CCDC50: variants seen among roughly 807,000 people sequenced by gnomAD.
CCDC50 encodes coiled-coil domain-containing protein 50.
In CCDC50, 54 loss-of-function variants were observed where a neutral mutation model predicts 70.2. That is an observed-to-expected ratio of 0.77 (90% CI 0.62 to 0.96). The LOEUF (loss-of-function observed/expected upper bound fraction) is 0.96, where lower values mean the gene tolerates loss of function less well. CCDC50 is among the 50% of genes least tolerant of loss of function. CCDC50 has a pLI of 0.00. For synonymous variants in CCDC50, 216 were observed against 198.8 expected (o/e 1.09, Z -0.73); for missense variants, 558 against 578.7 (o/e 0.96, Z 0.37).
At chr3:191,385,406 A>C (rs1713453811) in intron 10 of CCDC50, among the ~76,000 whole-genome samples, 1 of 152,118 alleles carries the variant, frequency 6.6e-6, no homozygotes, top group Non-Finnish European at 1.5e-5. Flanking sequence ...CGTCTCTGAT[A>C]ATTAGTTATG....
At chr3:191,380,655 A>C (rs1192349739) in intron 7 of CCDC50, 32 bp from the exon 8 acceptor site, 1 of 1,598,946 alleles carries the variant, frequency 6.3e-7, no homozygotes, top group African/African-American at 1.3e-5. Context: ...ATTCCAATTA[A>C]ATTCTTTGTT....
rs1023042970 is a variant in CCDC50 at position 191,348,040 on chromosome 3, A to C, written c.50-9048A>C. 2.7e-4 allele frequency among the ~76,000 whole-genome samples: 39 copies of C among 142,542 alleles called. 4 individuals are homozygous for C. Among genetic ancestry groups the C allele is most frequent in the African/African-American group, 9.8e-4 (39 of 39,948 alleles). 93.5% of individuals were successfully genotyped at this position (142,542 alleles called of 152,430 possible). A position where few individuals can be genotyped will look rare whatever the true frequency, so the allele number is the denominator to read the frequency against. ...AATATATGCTGGGGAAACATGAGTA[A>C]AAATTTTTAATGATATAATTAGTGC... On this transcript the variant is annotated intron_variant, in intron 1 of 11. Transcript: ENST00000392455.
chr3:191,362,116 T>C (rs1040523655), intron 4 of CCDC50, among the ~76,000 whole-genome samples: 2 of 152,334 alleles, frequency 1.3e-5, no homozygotes, highest in East Asian at 3.9e-4. Context: ...TTTTGTGTTA[T>C]TATTTTCAGC....
chr3:191,332,599 A>C (rs1226067330), intron 1 of CCDC50, among the ~76,000 whole-genome samples: 3 of 152,372 alleles, frequency 2.0e-5, no homozygotes, highest in African/African-American at 7.2e-5. Context: ...GCAAAATGCA[A>C]TTTGCGAATG....
intron 4 of CCDC50, among the ~76,000 whole-genome samples, chr3:191,365,247 A>C (rs1046578640): frequency 3.9e-5 from 6 of 151,920 alleles, no homozygotes; most frequent in African/African-American, 1.5e-4. Context: ...TTATAGTATA[A>C]ACTGCTCAGG....
At chr3:191,375,732 T>C in intron 6 of CCDC50, 143 bp downstream of exon 6, 1 of 884,666 alleles carries the variant, frequency 1.1e-6, no homozygotes, top group South Asian at 1.6e-5. Context: ...CAACATATTA[T>C]AAAAGGTATA....
At chr3:191,365,668 A>AT (rs949635059) in intron 4 of CCDC50, among the ~76,000 whole-genome samples, 2 of 151,998 alleles carry the variant, frequency 1.3e-5, no homozygotes, top group East Asian at 3.8e-4. Flanking sequence ...AAATGGAACG[A>AT]TTTTTTTCTC....
rs76764411 is a variant in CCDC50 at position 191,330,020 on chromosome 3, G to A, written c.49+297G>A. Among the ~76,000 whole-genome samples the A allele has an allele frequency of 3.4e-3, 518 of 152,060 alleles. 5 individuals are homozygous for A. In the East Asian group the frequency reaches 0.044, roughly 13 times the overall value. On this transcript the variant is annotated intron_variant, in intron 1 of 11. Transcript: ENST00000392455. ...TTCTCGTGCATCGCAAAGCCTCAGTGGACGCTGAGAGCCGGGTGAATCTGA... is the reference window on the plus strand; with the variant it reads ...TTCTCGTGCATCGCAAAGCCTCAGTAGACGCTGAGAGCCGGGTGAATCTGA...
At position 191,329,482 on chromosome 3, in the gene CCDC50, G is replaced by T. The variant is rs373639139; in HGVS notation, c.-193G>T. Reference sequence around the variant, plus strand: ...GGGGCAGCTGGGCCGCCAGCTTGGTGCCTCGGGGACCGTCTCCCGCTGCTT... The same window carrying T: ...GGGGCAGCTGGGCCGCCAGCTTGGTTCCTCGGGGACCGTCTCCCGCTGCTT... On this transcript the variant is annotated 5_prime_UTR_variant, in exon 1 of 12. Coordinates refer to ENST00000392455, the MANE Select transcript of CCDC50 (RefSeq NM_178335.3). 1 of 493,926 alleles carries T rather than the reference G, an allele frequency of 2.0e-6. No individual in the cohort carries two copies. The highest frequency in any genetic ancestry group is 3.7e-5 in the East Asian group (1 of 26,708). 30.6% of individuals were successfully genotyped at this position (493,926 alleles called of 1,614,324 possible). A position where few individuals can be genotyped will look rare whatever the true frequency, so the allele number is the denominator to read the frequency against.
Position 191,351,076 on chromosome 3 carries a change from C to T in CCDC50, c.50-6012C>T, listed in dbSNP as rs1289786877. Among the ~76,000 whole-genome samples the T allele has an allele frequency of 1.4e-5, 2 of 141,472 alleles. 1 individual carries two copies. The highest frequency in any genetic ancestry group is 3.2e-5 in the Non-Finnish European group (2 of 62,884). The allele number at this position is 141,472 out of a possible 152,430, so 92.8% of individuals were successfully genotyped here. ...GATAAGGGGATTCTAAAGACTCTTA[C>T]CCCATCACTTGTAAATCTGAATCAC... On this transcript the variant is annotated intron_variant, in intron 1 of 11. Transcript: ENST00000392455.
At chr3:191,368,873 C>G (rs1165761947) in intron 4 of CCDC50, among the ~76,000 whole-genome samples, 1 of 152,044 alleles carries the variant, frequency 6.6e-6, no homozygotes, top group Non-Finnish European at 1.5e-5. Context: ...AGTTTACAGG[C>G]TATTTTATGG....
chr3:191,390,411 C>CTT (rs56758535), intron 11 of CCDC50, among the ~76,000 whole-genome samples: 6 of 136,724 alleles, frequency 4.4e-5, no homozygotes, highest in East Asian at 2.0e-4. Context: ...GAAGAAGGTT[C>CTT]GAATAAAGAA....
At chr3:191,335,733 C>A (rs1417505550) in intron 1 of CCDC50, among the ~76,000 whole-genome samples, 3 of 152,074 alleles carry the variant, frequency 2.0e-5, no homozygotes, top group Non-Finnish European at 4.4e-5. Context: ...CAGTGTATTA[C>A]CGGTCTTGTT....
chr3:191,331,535 G>A (rs1717985043), intron 1 of CCDC50, among the ~76,000 whole-genome samples: 1 of 152,112 alleles, frequency 6.6e-6, no homozygotes, highest in Non-Finnish European at 1.5e-5. Context: ...TGGTAAATTG[G>A]TAAGAAAATT....
In CCDC50 at chr3:191,389,662, G is replaced by A. The variant is rs952094434; in HGVS notation, c.1429+60G>A. On this transcript the variant is annotated intron_variant, in intron 11 of 11. Coordinates refer to ENST00000392455, the MANE Select transcript of CCDC50 (RefSeq NM_178335.3). ...TCTTTTTTTATATAAGCCTCGTGTT[G>A]TAGTGGAAAAATCAAATTCTGTGTT... 2.3e-6 allele frequency: 3 copies of A among 1,289,318 alleles called. No individual in the cohort carries two copies. In the Admixed American group the frequency reaches 5.1e-5, roughly 22 times the overall value. 79.9% of individuals were successfully genotyped at this position (1,289,318 alleles called of 1,614,324 possible). A position where few individuals can be genotyped will look rare whatever the true frequency, so the allele number is the denominator to read the frequency against.
intron 4 of CCDC50, among the ~76,000 whole-genome samples, chr3:191,361,812 A>G (rs1305551528): frequency 1.3e-5 from 2 of 152,012 alleles, no homozygotes; most frequent in African/African-American, 4.8e-5. Flanking sequence ...GCTTACTACA[A>G]GGTGTCTGTC....
chr3:191,374,293 A>G (rs1290838263), intron 5 of CCDC50, among the ~76,000 whole-genome samples: 1 of 152,194 alleles, frequency 6.6e-6, no homozygotes. Flanking sequence ...AAAGAATACA[A>G]TATCATACAG....
intron 1 of CCDC50, among the ~76,000 whole-genome samples, chr3:191,345,678 C>T (rs1711890451): frequency 6.6e-6 from 1 of 152,172 alleles, no homozygotes; most frequent in South Asian, 2.1e-4. Context: ...AACATATCTA[C>T]TTGCCAAACA....
At chr3:191,381,514 T>G (rs1713318181) in intron 9 of CCDC50, among the ~76,000 whole-genome samples, 1 of 152,160 alleles carries the variant, frequency 6.6e-6, no homozygotes, top group African/African-American at 2.4e-5. Flanking sequence ...CTGCAATTCA[T>G]TTTGCTGCGG....
Sources: allele counts gnomAD v4.1 joint callset (sites outside exome capture counted in the v4.1 genomes callset), GRCh38; gene constraint gnomAD v4.1.1; transcripts MANE v1.5; gene names NCBI Gene and HGNC (gene_info 2026-07-23, HGNC 2026-07-21).